ZMAT4: variants seen among roughly 807,000 people sequenced by gnomAD.
ZMAT4 encodes the protein zinc finger matrin-type protein 4.
A neutral mutation model predicts 28.7 loss-of-function variants in ZMAT4; 17 were observed. The ratio of observed to expected loss-of-function variants is 0.59; its 90% CI spans 0.41 to 0.89. The LOEUF (loss-of-function observed/expected upper bound fraction) is 0.89, where lower values mean the gene tolerates loss of function less well. Ranked by LOEUF, ZMAT4 falls within the 40% of genes least tolerant of loss-of-function variation. The pLI, the probability that ZMAT4 is intolerant of heterozygous loss-of-function variation, is 0.00. For missense variants in ZMAT4, 240 were observed against 283.8 expected (o/e 0.85, Z 1.11); for synonymous variants, 117 against 109.2 (o/e 1.07, Z -0.44).
chr8:40,767,766 A>T, intron 2 of ZMAT4, 36 bp from the exon 3 acceptor site: 1 of 1,572,926 alleles, frequency 6.4e-7, no homozygotes, highest in Non-Finnish European at 8.6e-7. Flanking sequence ...ACTGTAAAAG[A>T]TAAGCCATTT....
rs999067983 is a variant in ZMAT4 at position 40,626,227 on chromosome 8, C to A, written c.578-44966G>T. Among the ~76,000 whole-genome samples the A allele has an allele frequency of 2.0e-5, 3 of 152,080 alleles. No individual in the cohort carries two copies. In the East Asian group the frequency reaches 5.8e-4, roughly 29 times the overall value. The stretch of plus-strand genomic sequence containing the variant: ...TAAGGAGAAATCCCTGAGGCACTTC[C>A]TTCCCTGGAATCAAGTACGAAAGAG... On this transcript the variant is annotated intron_variant, in intron 5 of 6. Transcript: ENST00000297737.
chr8:40,605,668 C>A (rs1805555593), intron 5 of ZMAT4, among the ~76,000 whole-genome samples: 1 of 152,130 alleles, frequency 6.6e-6, no homozygotes, highest in African/African-American at 2.4e-5. Flanking sequence ...CTGTAAATAT[C>A]TGTTAAGTCC....
At chr8:40,651,708 T>A (rs1447355459) in intron 5 of ZMAT4, among the ~76,000 whole-genome samples, 3 of 152,066 alleles carry the variant, frequency 2.0e-5, no homozygotes, top group African/African-American at 7.2e-5. Context: ...CAAAACAGCA[T>A]GTTTGGTACT....
chr8:40,554,500 CAT>C (rs1026435709), intron 6 of ZMAT4, among the ~76,000 whole-genome samples: 3 of 152,080 alleles, frequency 2.0e-5, no homozygotes, highest in African/African-American at 4.8e-5. Flanking sequence ...CAATCATAAA[CAT>C]GTGGAAATCA....
intron 2 of ZMAT4, among the ~76,000 whole-genome samples, chr8:40,794,527 C>G (rs1481548818): frequency 6.6e-6 from 1 of 152,208 alleles, no homozygotes; most frequent in Non-Finnish European, 1.5e-5. Flanking sequence ...GGGGAGTTTA[C>G]TTGGGCTTGG....
At position 40,745,319 on chromosome 8, in the gene ZMAT4, A is replaced by G. The variant is rs114472468; in HGVS notation, c.192+22322T>C. 8.2e-3 allele frequency among the ~76,000 whole-genome samples: 1,226 copies of G among 150,050 alleles called. 17 individuals are homozygous for G. Among genetic ancestry groups the G allele is most frequent in the African/African-American group, 0.028 (1,161 of 41,462 alleles). On this transcript the variant is annotated intron_variant, in intron 3 of 6. Coordinates refer to ENST00000297737, the MANE Select transcript of ZMAT4 (RefSeq NM_024645.3). The stretch of plus-strand genomic sequence containing the variant: ...ATTACTCTAGACTGAAAGCACCCCA[A>G]AGTCTACAATTGTGTGACCCTAGGG...
At chr8:40,877,817 AGCT>A (rs770191254) in intron 1 of ZMAT4, among the ~76,000 whole-genome samples, 19 of 152,188 alleles carry the variant, frequency 1.2e-4, no homozygotes, top group Non-Finnish European at 2.4e-4. Flanking sequence ...CCAGCATTAT[AGCT>A]GCTGTTTGGA....
At chr8:40,823,692 TAC>T (rs537587037) in intron 2 of ZMAT4, among the ~76,000 whole-genome samples, 15 of 151,360 alleles carry the variant, frequency 9.9e-5, no homozygotes, top group Non-Finnish European at 1.0e-4. Flanking sequence ...CATATACATA[TAC>T]ACACACACAC....
intron 3 of ZMAT4, among the ~76,000 whole-genome samples, chr8:40,764,977 A>G (rs1240735635): frequency 6.6e-6 from 1 of 150,938 alleles, no homozygotes; most frequent in Non-Finnish European, 1.5e-5. Flanking sequence ...GTCTATAGGT[A>G]TGTACCACCA....
intron 5 of ZMAT4, among the ~76,000 whole-genome samples, chr8:40,587,330 A>T (rs143234725): frequency 4.9e-4 from 75 of 152,286 alleles, no homozygotes; most frequent in Non-Finnish European, 9.1e-4. Flanking sequence ...GGGGAAAAAA[A>T]AGAAAAATCT....
intron 3 of ZMAT4, among the ~76,000 whole-genome samples, chr8:40,715,326 A>T (rs954415763): frequency 9.9e-5 from 15 of 152,166 alleles, no homozygotes; most frequent in African/African-American, 2.9e-4. Flanking sequence ...ATAGCTGATT[A>T]TAAAGACATA....
At chr8:40,646,721 T>A (rs1405495160) in intron 5 of ZMAT4, among the ~76,000 whole-genome samples, 2 of 152,192 alleles carry the variant, frequency 1.3e-5, no homozygotes, top group African/African-American at 4.8e-5. Context: ...GCTGATAGAA[T>A]TTAAAGGAGA....
At chr8:40,650,798 G>T (rs1283504031) in intron 5 of ZMAT4, among the ~76,000 whole-genome samples, 9 of 149,992 alleles carry the variant, frequency 6.0e-5, no homozygotes, top group Non-Finnish European at 8.9e-5. Context: ...ATGTAATCCA[G>T]CATATAAACA....
At chr8:40,835,417 A>G (rs1563516583) in intron 1 of ZMAT4, among the ~76,000 whole-genome samples, 1 of 152,338 alleles carries the variant, frequency 6.6e-6, no homozygotes, top group East Asian at 1.9e-4. Flanking sequence ...TCAACGGAGA[A>G]AAGCCTACGT....
At chr8:40,576,557 A>G (rs960750614) in intron 6 of ZMAT4, among the ~76,000 whole-genome samples, 1 of 151,784 alleles carries the variant, frequency 6.6e-6, no homozygotes. Context: ...CTGTCAGTCA[A>G]GAATACTATA....
Position 40,581,176 on chromosome 8 carries a change from T to G in ZMAT4, c.663A>C (p.Lys221Asn). The change falls in exon 6 of 7, where the codon AAA becomes AAC. Residue 221 changes from lysine to asparagine, a missense_variant. By Grantham distance (94) the Lys-to-Asn change is moderately conservative. Transcript: ENST00000297737. ...ACAAAAGTACCTACTTGGTCTGGTG[T>G]TTAGATCCTTTCAGATGGGCATGAT... is the stretch of plus-strand genomic sequence containing the variant. ...EQYHAHLKGSKHQTNLKNK is the reference protein window; with the variant it reads ...EQYHAHLKGSNHQTNLKNK The G allele has an allele frequency of 1.2e-6, 2 of 1,613,012 alleles. No homozygotes were observed. The highest frequency in any genetic ancestry group is 1.7e-6 in the Non-Finnish European group (2 of 1,179,248).
At chr8:40,881,826 TTC>T (rs1359986477) in intron 1 of ZMAT4, among the ~76,000 whole-genome samples, 1 of 152,038 alleles carries the variant, frequency 6.6e-6, no homozygotes, top group Non-Finnish European at 1.5e-5. Context: ...GGCCCAACAG[TTC>T]CCAAGACAAT....
intron 5 of ZMAT4, among the ~76,000 whole-genome samples, chr8:40,668,508 AG>A (rs1330538946): frequency 6.6e-6 from 1 of 151,744 alleles, no homozygotes; most frequent in African/African-American, 2.4e-5. Context: ...AGAAAAAAAA[AG>A]AAAATAATCC....
intron 6 of ZMAT4, among the ~76,000 whole-genome samples, chr8:40,548,808 C>T (rs1173350508): frequency 6.6e-6 from 1 of 152,110 alleles, no homozygotes; most frequent in African/African-American, 2.4e-5. Flanking sequence ...TGGTGAAAAA[C>T]TTGTTTTGGA....
Sources: gnomAD v4.1 joint callset for allele counts (sites outside exome capture counted in the v4.1 genomes callset) on GRCh38, gnomAD v4.1.1 for gene constraint, MANE v1.5 for transcripts, NCBI Gene and HGNC (gene_info 2026-07-23, HGNC 2026-07-21) for gene names.